The following EIF3A variants were observed in gnomAD, a reference collection of about 807,000 sequenced individuals.
The protein encoded by EIF3A is EIF3, p180 subunit.
In EIF3A, 21 loss-of-function variants were observed where a neutral mutation model predicts 186.6. The ratio of observed to expected loss-of-function variants is 0.11; its 90% CI spans 0.08 to 0.16. The LOEUF is 0.16. EIF3A is among the 10% of genes least tolerant of loss of function. The pLI, the probability that EIF3A is intolerant of heterozygous loss-of-function variation, is 1.00. For synonymous variants in EIF3A, 563 were observed against 584.3 expected (o/e 0.96, Z 0.52); for missense variants, 1,306 against 1,796.3 (o/e 0.73, Z 4.93).
rs1210698900 is a variant in EIF3A at position 119,049,715 on chromosome 10, A to AC, written c.2658+85dup. The AC allele has an allele frequency of 2.1e-4, 264 of 1,231,970 alleles. 1 individual carries two copies. The highest frequency in any genetic ancestry group is 2.9e-4 in the Non-Finnish European group (257 of 876,684). The allele number at this position is 1,231,970 out of a possible 1,614,324, so 76.3% of individuals were successfully genotyped here. A position where few individuals can be genotyped will look rare whatever the true frequency, so the allele number is the denominator to read the frequency against. On this transcript the variant is annotated intron_variant, in intron 17 of 21. Transcript: ENST00000369144. The stretch of plus-strand genomic sequence containing the variant: ...GCACCACTGTACTCCAGCCTGGGCA[A>AC]CCTGGGCGACAGAGCAAGACTGTGC...
At chr10:119,079,519 G>A (rs1274035426) in intron 1 of EIF3A, among the ~76,000 whole-genome samples, 2 of 151,970 alleles carry the variant, frequency 1.3e-5, no homozygotes, top group African/African-American at 2.4e-5. Flanking sequence ...CTTCTATTTC[G>A]GTGAAGGAAG....
intron 1 of EIF3A, among the ~76,000 whole-genome samples, chr10:119,079,245 T>G (rs968894482): frequency 2.0e-5 from 3 of 152,214 alleles, no homozygotes; most frequent in African/African-American, 7.2e-5. Flanking sequence ...TTCAATAGGT[T>G]TTTAAAACAA....
chr10:119,059,644 C>T lies in EIF3A; in HGVS notation c.1401G>A (p.Leu467=). ...TGGCTGCATCTACTATGGCCCGTTC[C>T]AGTTGGAAAGCATCAACAAAAGGAA... The part of the protein sequence containing the change: ...SLVPFVDAFQ[L]ERAIVDAARH... The change falls in exon 10 of 22, where the codon CTG becomes CTA. Residue 467 remains leucine, a synonymous_variant. Transcript: ENST00000369144. 1.2e-6 allele frequency: 2 copies of T among 1,614,184 alleles called. No homozygotes were observed. The highest frequency in any genetic ancestry group is 1.7e-6 in the Non-Finnish European group (2 of 1,180,018).
Position 119,037,197 on chromosome 10 carries a change from G to A in EIF3A, c.3841C>T (p.Arg1281Cys), listed in dbSNP as rs765681749. 3.1e-6 allele frequency: 5 copies of A among 1,613,588 alleles called. No individual in the cohort carries two copies. The highest frequency in any genetic ancestry group is 2.2e-5 in the East Asian group (1 of 44,844). The change falls in exon 21 of 22, where the codon CGT (arginine) becomes TGT (cysteine). Residue 1281 changes from arginine (R) to cysteine (C), a missense_variant. Around this residue, in one of 8 missense-constraint regions of EIF3A, gnomAD observed 331 missense variants for 365.8 expected, o/e 0.90. Transcript: ENST00000369144. ...AGATCTCGTCTTTCTCTTAGATCAC[G>A]CCGGTCATCCCTCTCACGGCGACGG... ...DDRRRERDDR[R>C]DLRERRDLRD... is the part of the protein sequence containing the mutation.
Position 119,058,149 on chromosome 10 carries a change from T to C in EIF3A, c.1784A>G (p.Glu595Gly). ...LNIQREKEEL[E>G]QREAELQKVR... ...TTTCTGGAGTTCAGCTTCCCTCTGTTCCAATTCTTCTTTCTCACGCTGAAT... is the reference window on the plus strand; with the variant it reads ...TTTCTGGAGTTCAGCTTCCCTCTGTCCCAATTCTTCTTTCTCACGCTGAAT... Residue 595 changes from glutamate (E) to glycine (G), a missense_variant, in exon 12 of 22, where the codon GAA becomes GGA. Coordinates refer to ENST00000369144, the MANE Select transcript of EIF3A (RefSeq NM_003750.4). 6.2e-7 allele frequency: 1 copy of C among 1,614,156 alleles called. No individual in the cohort carries two copies. The highest frequency in any genetic ancestry group is 8.5e-7 in the Non-Finnish European group (1 of 1,180,036).
intron 17 of EIF3A, among the ~76,000 whole-genome samples, chr10:119,048,156 C>CTGAGGT (rs3061100): frequency 0.064 from 9,696 of 152,022 alleles, 581 homozygotes; most frequent in African/African-American, 0.16. Flanking sequence ...GTAATGAGTA[C>CTGAGGT]CAACCAATGA....
chr10:119,046,701 G>T (rs1327774346), intron 17 of EIF3A, among the ~76,000 whole-genome samples: 2 of 152,220 alleles, frequency 1.3e-5, no homozygotes, highest in African/African-American at 4.8e-5. Flanking sequence ...GCTCATGCCT[G>T]TAATCTCAGC....
chr10:119,080,258 G>A (rs1201662738), intron 1 of EIF3A: 1 of 961,910 alleles, frequency 1.0e-6, no homozygotes, highest in Admixed American at 6.2e-5. Context: ...TGGCGGCCGG[G>A]GACGCGGGCC....
chr10:119,037,096 T>G (rs1378438342), intron 21 of EIF3A, 23 bp downstream of exon 21: 1 of 811,744 alleles, frequency 1.2e-6, no homozygotes, highest in South Asian at 1.4e-5. Context: ...CTCCAATACT[T>G]CAGTTGTATG....
At chr10:119,043,943 A>G (rs2119817919) in intron 18 of EIF3A, 111 bp downstream of exon 18, 3 of 824,474 alleles carry the variant, frequency 3.6e-6, no homozygotes, top group East Asian at 2.5e-5. Flanking sequence ...CATGCACACA[A>G]TTCTTCATGG....
At chr10:119,047,879 T>G (rs1165779318) in intron 17 of EIF3A, among the ~76,000 whole-genome samples, 1 of 151,480 alleles carries the variant, frequency 6.6e-6, no homozygotes, top group Non-Finnish European at 1.5e-5. Flanking sequence ...GTGGCAAAAA[T>G]AGAGGAGCAG....
intron 12 of EIF3A, 80 bp downstream of exon 12, chr10:119,057,876 C>G: frequency 1.7e-6 from 2 of 1,148,760 alleles, no homozygotes; most frequent in Non-Finnish European, 1.2e-6. Flanking sequence ...AGTAAGCCAA[C>G]AAATGGTAAA....
chr10:119,049,762 A>C, intron 17 of EIF3A, 39 bp downstream of exon 17: 1 of 1,555,058 alleles, frequency 6.4e-7, no homozygotes. Context: ...AAAAAAAGTC[A>C]CATTAAAACA....
At chr10:119,073,119 CA>C in intron 3 of EIF3A, 66 bp from the exon 4 acceptor site, 3 of 1,460,216 alleles carry the variant, frequency 2.1e-6, no homozygotes, top group Non-Finnish European at 2.8e-6. Flanking sequence ...GATTAAAAAC[CA>C]AAACAATGTT....
intron 19 of EIF3A, among the ~76,000 whole-genome samples, chr10:119,038,804 T>C (rs1848170167): frequency 6.6e-6 from 1 of 151,988 alleles, no homozygotes; most frequent in Admixed American, 6.5e-5. Flanking sequence ...CCTGTAGTCC[T>C]AGCTACTTGA....
At chr10:119,058,435 T>C (rs1178922834) in intron 11 of EIF3A, 132 bp from the exon 12 acceptor site, 3 of 676,800 alleles carry the variant, frequency 4.4e-6, no homozygotes, top group East Asian at 5.4e-5. Flanking sequence ...AAGATGACAC[T>C]ATCCAAGCTG....
rs149082263 is a variant in EIF3A at position 119,059,756 on chromosome 10, G to A, written c.1327-38C>T. On this transcript the variant is annotated intron_variant, in intron 9 of 21. Coordinates refer to ENST00000369144, the MANE Select transcript of EIF3A (RefSeq NM_003750.4). ...CAAAGGGTTAATAACACTAGCCACT[G>A]TTTATTCAGCACTTTTTATGTGCAA... The A allele has an allele frequency of 9.8e-4, 1,300 of 1,325,206 alleles. 15 individuals carry two copies. In the African/African-American group the frequency reaches 0.016, roughly 16 times the overall value. The allele number at this position is 1,325,206 out of a possible 1,614,324, so 82.1% of individuals were successfully genotyped here.
chr10:119,074,632 A>T (rs1474443214), intron 1 of EIF3A, among the ~76,000 whole-genome samples: 1 of 151,630 alleles, frequency 6.6e-6, no homozygotes, highest in African/African-American at 2.4e-5. Flanking sequence ...TTTTTTTTAA[A>T]TAAAAAAATA....
At chr10:119,061,185 C>G (rs1349264478) in intron 8 of EIF3A, 39 bp downstream of exon 8, 1 of 1,213,392 alleles carries the variant, frequency 8.2e-7, no homozygotes, top group Non-Finnish European at 1.2e-6. Context: ...AGAAGGCCAA[C>G]TCTGTGGTAA....
Sources: allele counts gnomAD v4.1 joint callset (sites outside exome capture counted in the v4.1 genomes callset), GRCh38; gene constraint gnomAD v4.1.1; regional missense constraint gnomAD v4.1.1; transcripts MANE v1.5; gene names NCBI Gene and HGNC (gene_info 2026-07-23, HGNC 2026-07-21).